ZC3H12B: variants seen among roughly 807,000 people sequenced by gnomAD.
ZC3H12B encodes probable ribonuclease ZC3H12B.
In ZC3H12B, 7 loss-of-function variants were observed where a neutral mutation model predicts 43.9. That is an observed-to-expected ratio of 0.16 (90% CI 0.09 to 0.30). The LOEUF is 0.30. ZC3H12B is among the 10% of genes least tolerant of loss of function. The pLI, the probability that ZC3H12B is intolerant of heterozygous loss-of-function variation, is 1.00. For missense variants in ZC3H12B, 475 were observed against 670.2 expected (o/e 0.71, Z 3.22); for synonymous variants, 222 against 241.7 (o/e 0.92, Z 0.76).
At chrX:65,224,731 A>C in the ZC3H12B span, among the ~76,000 whole-genome samples, 1 of 112,120 alleles carries the variant, frequency 8.9e-6, no homozygotes, top group African/African-American at 3.2e-5. Context: ...TATCCCGCAC[A>C]TGACTCAGAG....
chrX:65,202,082 A>T, the ZC3H12B span, among the ~76,000 whole-genome samples: 237 of 64,190 alleles, frequency 3.7e-3, no homozygotes, highest in Admixed American at 4.5e-3. Context: ...ATTACATATA[A>T]TATATGTAAT....
chrX:65,158,929 C>T, the ZC3H12B span, among the ~76,000 whole-genome samples: 2 of 111,531 alleles, frequency 1.8e-5, no homozygotes, highest in South Asian at 3.7e-4. Context: ...GTCTTTAATC[C>T]ATCTTGAATA....
At chrX:65,357,207 G>A in the ZC3H12B span, 2 of 398,113 alleles carry the variant, frequency 5.0e-6, no homozygotes, top group South Asian at 2.9e-5. Context: ...CCCTCTCAGG[G>A]TGAAATAGAT....
At chrX:65,335,555 A>T in the ZC3H12B span, among the ~76,000 whole-genome samples, 3 of 111,536 alleles carry the variant, frequency 2.7e-5, no homozygotes, top group African/African-American at 9.8e-5. Context: ...AGAAGGGAAA[A>T]TTCAAGACGG....
At chrX:65,100,908 A>G in the ZC3H12B span, among the ~76,000 whole-genome samples, 1 of 111,794 alleles carries the variant, frequency 8.9e-6, no homozygotes, top group Non-Finnish European at 1.9e-5. Context: ...GTAGACATCT[A>G]CATAACTCTC....
the ZC3H12B span, among the ~76,000 whole-genome samples, chrX:65,349,690 A>G: frequency 1.8e-5 from 2 of 112,108 alleles, no homozygotes; most frequent in Admixed American, 9.5e-5. Flanking sequence ...CTGATCCCAC[A>G]GAAATACAAA....
chrX:65,362,739 G>T (rs748308031), upstream of ZC3H12B, among the ~76,000 whole-genome samples: 3 of 110,869 alleles, frequency 2.7e-5, no homozygotes, highest in Admixed American at 9.6e-5. Flanking sequence ...GTTATCACTC[G>T]CCTGTTACAG....
chrX:65,429,509 A>G (rs2067125683), intron 3 of ZC3H12B, among the ~76,000 whole-genome samples: 1 of 112,361 alleles, frequency 8.9e-6, no homozygotes, highest in African/African-American at 3.2e-5. Flanking sequence ...TTGGGGTCCC[A>G]CTTAAAGAAG....
At chrX:65,079,818 A>T in the ZC3H12B span, among the ~76,000 whole-genome samples, 1 of 111,129 alleles carries the variant, frequency 9.0e-6, no homozygotes, top group Non-Finnish European at 1.9e-5. Flanking sequence ...CCAGACACCA[A>T]AGAACATATA....
chrX:65,365,584 C>A (rs957102336), upstream of ZC3H12B, among the ~76,000 whole-genome samples: 3 of 110,800 alleles, frequency 2.7e-5, no homozygotes, highest in African/African-American at 9.9e-5. Context: ...CTCTCCATAC[C>A]ATCCCCCAAA....
chrX:65,385,118 T>A (rs2066503155), intron 2 of ZC3H12B, among the ~76,000 whole-genome samples: 2 of 112,133 alleles, frequency 1.8e-5, no homozygotes, highest in South Asian at 7.4e-4. Flanking sequence ...ATTAGGATTG[T>A]CTTGGCAATG....
At chrX:65,050,541 A>G in the ZC3H12B span, among the ~76,000 whole-genome samples, 1 of 111,258 alleles carries the variant, frequency 9.0e-6, no homozygotes, top group South Asian at 3.7e-4. Context: ...TGGACTCTTC[A>G]TATATGATTT....
At chrX:65,074,821 A>G in the ZC3H12B span, among the ~76,000 whole-genome samples, 2 of 111,540 alleles carry the variant, frequency 1.8e-5, no homozygotes, top group Non-Finnish European at 3.8e-5. Flanking sequence ...GGGTGTTTTT[A>G]TGTTTTCAGT....
chrX:65,170,396 G>T, the ZC3H12B span, among the ~76,000 whole-genome samples: 1 of 112,061 alleles, frequency 8.9e-6, no homozygotes, highest in African/African-American at 3.2e-5. Context: ...TTTCTGCCGA[G>T]AGATCTGCTG....
the ZC3H12B span, among the ~76,000 whole-genome samples, chrX:65,056,301 G>A: frequency 2.3e-4 from 25 of 111,085 alleles, no homozygotes; most frequent in East Asian, 1.4e-3. Context: ...CTTTGTTCTC[G>A]TTGGTTTCAA....
chrX:65,438,957 A>G (rs2067264901), intron 3 of ZC3H12B, among the ~76,000 whole-genome samples: 1 of 112,560 alleles, frequency 8.9e-6, no homozygotes, highest in African/African-American at 3.2e-5. Context: ...CCCTTCTTTG[A>G]TTTGCAAAGA....
chrX:65,230,411 C>T, the ZC3H12B span, among the ~76,000 whole-genome samples: 11 of 109,097 alleles, frequency 1.0e-4, no homozygotes, highest in Non-Finnish European at 1.9e-4. Flanking sequence ...GGAGGGATAG[C>T]ATTAGGAGAT....
chrX:65,138,729 T>G, the ZC3H12B span, among the ~76,000 whole-genome samples: 2 of 112,029 alleles, frequency 1.8e-5, no homozygotes, highest in Admixed American at 9.5e-5. Flanking sequence ...TTCCTTTTTT[T>G]TCTGCATACT....
the ZC3H12B span, among the ~76,000 whole-genome samples, chrX:65,171,074 C>G: frequency 8.9e-6 from 1 of 111,732 alleles, no homozygotes; most frequent in Non-Finnish European, 1.9e-5. Context: ...AGCTTTGTTC[C>G]ATTGCTAGAG....
Sources: gnomAD v4.1 joint callset for allele counts (sites outside exome capture counted in the v4.1 genomes callset) on GRCh38, gnomAD v4.1.1 for gene constraint, MANE v1.5 for transcripts, NCBI Gene and HGNC (gene_info 2026-07-23, HGNC 2026-07-21) for gene names.